The following RELN variants were observed in gnomAD, a reference collection of about 807,000 sequenced individuals.
RELN encodes reelin.
A neutral mutation model predicts 427.6 loss-of-function variants in RELN; 108 were observed. The ratio of observed to expected loss-of-function variants is 0.25; its 90% confidence interval spans 0.22 to 0.30. RELN has a LOEUF of 0.30. RELN is among the 10% of genes least tolerant of loss of function. The probability of loss-of-function intolerance (pLI) is 1.00; values close to 1 mark genes in which losing one functional copy is unlikely to be tolerated. For missense variants in RELN, 3,715 were observed against 4,302.8 expected (o/e 0.86, Z 3.82); for synonymous variants, 1,524 against 1,513.4 (o/e 1.01, Z -0.16).
intron 2 of RELN, among the ~76,000 whole-genome samples, chr7:103,840,313 TG>T (rs999501866): frequency 9.9e-5 from 15 of 152,236 alleles, no homozygotes; most frequent in Admixed American, 9.8e-4. Flanking sequence ...AGACTGGAAC[TG>T]GGTCTTAAAG....
At chr7:103,840,855 A>C (rs980272145) in intron 2 of RELN, among the ~76,000 whole-genome samples, 1 of 152,212 alleles carries the variant, frequency 6.6e-6, no homozygotes, top group Non-Finnish European at 1.5e-5. Context: ...TTGAATTTTT[A>C]ATATTATTTG....
chr7:103,489,203 G>GTGTGTGTGTGTGT (rs1828558083), intron 60 of RELN, among the ~76,000 whole-genome samples: 2,412 of 147,844 alleles, frequency 0.016, 25 homozygotes, highest in African/African-American at 0.034. Flanking sequence ...GTCATAAAGG[G>GTGTGTGTGTGTGT]GTGTGTGTGT....
At chr7:103,476,218 A>G (rs1177100236) in intron 64 of RELN, among the ~76,000 whole-genome samples, 1 of 152,212 alleles carries the variant, frequency 6.6e-6, no homozygotes, top group Non-Finnish European at 1.5e-5. Context: ...TAATCCCAGC[A>G]CTTTGGGAGG....
chr7:103,797,904 T>C (rs1792348635), intron 3 of RELN, among the ~76,000 whole-genome samples: 1 of 152,200 alleles, frequency 6.6e-6, no homozygotes, highest in Non-Finnish European at 1.5e-5. Flanking sequence ...GCTTCCTCAA[T>C]CACTACATCT....
chr7:103,859,616 G>A (rs193122152), intron 2 of RELN, among the ~76,000 whole-genome samples: 2,163 of 152,202 alleles, frequency 0.014, 37 homozygotes, highest in South Asian at 0.029. Context: ...TTAATCTTAC[G>A]AAGATTTGAT....
chr7:103,496,566 TG>T lies in RELN; in HGVS notation c.9152del (p.Ala3051GlufsTer30). 6.2e-7 allele frequency: 1 copy of T among 1,614,196 alleles called. No homozygotes were observed. The highest frequency in any genetic ancestry group is 8.5e-7 in the Non-Finnish European group (1 of 1,180,016). The part of the protein sequence containing the change: ...WALDNILIGG[A>X]EINPSQLVDT... ...CCACCAATTGGCTGGGATTGATTTC[TG>T]CTCCACCAATCAAAATGTTGTCCAG... On this transcript the variant is annotated frameshift_variant, in exon 56 of 65. Coordinates refer to ENST00000428762, the MANE Select transcript of RELN (RefSeq NM_005045.4). LOFTEE classifies it high-confidence loss of function.
At chr7:103,537,490 A>C (rs896900845) in intron 45 of RELN, among the ~76,000 whole-genome samples, 1 of 152,142 alleles carries the variant, frequency 6.6e-6, no homozygotes, top group African/African-American at 2.4e-5. Flanking sequence ...AACTCCACTC[A>C]GCCACTTTCC....
intron 2 of RELN, among the ~76,000 whole-genome samples, chr7:103,879,485 C>A (rs1404491168): frequency 6.6e-6 from 1 of 152,158 alleles, no homozygotes; most frequent in East Asian, 1.9e-4. Context: ...CTTTCATATT[C>A]CACTGGAGGG....
At chr7:103,731,931 T>A (rs1022328484) in intron 6 of RELN, among the ~76,000 whole-genome samples, 4 of 152,168 alleles carry the variant, frequency 2.6e-5, no homozygotes, top group Non-Finnish European at 5.9e-5. Flanking sequence ...TTTACATTTT[T>A]AAATACTGTC....
At chr7:103,616,208 G>GA (rs1293258559) in intron 20 of RELN, among the ~76,000 whole-genome samples, 6 of 152,024 alleles carry the variant, frequency 3.9e-5, no homozygotes, top group African/African-American at 1.4e-4. Context: ...GGGTCCCACA[G>GA]AAAAAACAGC....
At chr7:103,791,489 G>A (rs1792160600) in intron 3 of RELN, among the ~76,000 whole-genome samples, 2 of 152,180 alleles carry the variant, frequency 1.3e-5, no homozygotes, top group East Asian at 3.9e-4. Context: ...TGAAGAAAGA[G>A]GTCTTTAAAA....
chr7:103,928,531 A>C (rs1017172608), intron 1 of RELN, among the ~76,000 whole-genome samples: 1 of 152,244 alleles, frequency 6.6e-6, no homozygotes, highest in Non-Finnish European at 1.5e-5. Context: ...AAAAGCTGCA[A>C]ATCCACAGCT....
intron 6 of RELN, among the ~76,000 whole-genome samples, chr7:103,745,111 A>G (rs1790782981): frequency 6.6e-6 from 1 of 152,184 alleles, no homozygotes; most frequent in Non-Finnish European, 1.5e-5. Flanking sequence ...CTGGTTCAAT[A>G]TACGCAAATC....
chr7:103,503,106 C>A lies in RELN; in HGVS notation c.8399G>T (p.Cys2800Phe). 6.2e-7 allele frequency: 1 copy of A among 1,614,140 alleles called. No homozygotes were observed. The highest frequency in any genetic ancestry group is 8.5e-7 in the Non-Finnish European group (1 of 1,180,034). The change falls in exon 52 of 65, where the codon TGC becomes TTC. Residue 2800 changes from cysteine (C) to phenylalanine (F), a missense_variant. Cys to Phe is a radical substitution (Grantham distance 205, BLOSUM62 -2). This residue lies in a region of RELN where 1,310 missense variants were observed against 1,643.0 expected (regional missense o/e 0.80). Transcript: ENST00000428762. ...VPQCLPADPK[C>F]SGSVSQPSVF... Reference sequence around the variant, plus strand: ...AGATGGCTGAGAAACACTTCCAGAGCATTTTGGGTCAGCAGGCAAGCACTG... The same window carrying A: ...AGATGGCTGAGAAACACTTCCAGAGAATTTTGGGTCAGCAGGCAAGCACTG...
chr7:103,489,675 T>C (rs2116998502), intron 60 of RELN, 67 bp downstream of exon 60: 1 of 1,559,810 alleles, frequency 6.4e-7, no homozygotes, highest in Admixed American at 1.8e-5. Flanking sequence ...TGGACTTTTG[T>C]ATATATGTTA....
intron 19 of RELN, among the ~76,000 whole-genome samples, chr7:103,631,347 G>C (rs1832463914): frequency 7.6e-6 from 1 of 132,030 alleles, no homozygotes; most frequent in South Asian, 2.4e-4. Flanking sequence ...AGGCTGGAGT[G>C]CAATGGCACA....
intron 3 of RELN, among the ~76,000 whole-genome samples, chr7:103,793,719 C>G (rs564964824): frequency 6.6e-6 from 1 of 152,296 alleles, no homozygotes; most frequent in South Asian, 2.1e-4. Flanking sequence ...AAAGGACAGT[C>G]AGAGTGACAG....
At chr7:103,650,145 T>A in intron 16 of RELN, 129 bp downstream of exon 16, 1 of 719,714 alleles carries the variant, frequency 1.4e-6, no homozygotes. Context: ...AAAGGAGAAA[T>A]GGAAGAAAGG....
chr7:103,801,475 C>G (rs539480198), intron 3 of RELN, among the ~76,000 whole-genome samples: 1 of 151,054 alleles, frequency 6.6e-6, no homozygotes, highest in South Asian at 2.1e-4. Flanking sequence ...CAAACTATCA[C>G]AAGGACAGAA....
Sources: allele counts gnomAD v4.1 joint callset (sites outside exome capture counted in the v4.1 genomes callset), GRCh38; gene constraint gnomAD v4.1.1; regional missense constraint gnomAD v4.1.1; transcripts MANE v1.5; gene names NCBI Gene and HGNC (gene_info 2026-07-23, HGNC 2026-07-21).